The following KCNB2 variants were observed in gnomAD, a reference collection of about 807,000 sequenced individuals.
KCNB2 encodes the protein delayed rectifier potassium channel protein.
Under a neutral mutation model 61.5 loss-of-function variants are expected in KCNB2, and 15 were observed. The observed-to-expected ratio is 0.24, with a 90% CI of 0.16 to 0.38. The LOEUF (loss-of-function observed/expected upper bound fraction) is 0.38, where lower values mean the gene tolerates loss of function less well. Ranked by LOEUF, KCNB2 falls within the 10% of genes least tolerant of loss-of-function variation. KCNB2 has a pLI of 1.00. For synonymous variants in KCNB2, 457 were observed against 446.0 expected (o/e 1.02, Z -0.31); for missense variants, 828 against 1,125.2 (o/e 0.74, Z 3.78).
In KCNB2 at chr8:72,560,837, A is replaced by T. The variant is rs972641012; in HGVS notation, c.-93-6805A>T. Among the ~76,000 whole-genome samples, 3 of 152,266 alleles carry T rather than the reference A, an allele frequency of 2.0e-5. No homozygotes were observed. In the East Asian group the frequency reaches 5.8e-4, roughly 29 times the overall value. ...TTTTTTTTCTGGTCAGCTATGTTTTATAAAAGGCCATTTTTCTAAAGACAA... is the reference window on the plus strand; with the variant it reads ...TTTTTTTTCTGGTCAGCTATGTTTTTTAAAAGGCCATTTTTCTAAAGACAA... On this transcript the variant is annotated intron_variant, in intron 1 of 2. Coordinates refer to ENST00000523207, the MANE Select transcript of KCNB2 (RefSeq NM_004770.3).
chr8:72,794,336 G>A (rs1808992247), intron 2 of KCNB2, among the ~76,000 whole-genome samples: 1 of 152,138 alleles, frequency 6.6e-6, no homozygotes, highest in African/African-American at 2.4e-5. Context: ...GGAGGCTGAG[G>A]TGGGTGGATC....
intron 2 of KCNB2, among the ~76,000 whole-genome samples, chr8:72,626,295 C>A (rs1805789069): frequency 6.6e-6 from 1 of 152,178 alleles, no homozygotes; most frequent in Non-Finnish European, 1.5e-5. Context: ...ATTTGAACTG[C>A]CAGTCACTTG....
intron 2 of KCNB2, among the ~76,000 whole-genome samples, chr8:72,675,121 T>A (rs1806631041): frequency 6.6e-6 from 1 of 152,090 alleles, no homozygotes; most frequent in South Asian, 2.1e-4. Context: ...GAGAACACTA[T>A]GAAGGAAAAA....
At chr8:72,760,927 C>A (rs1808368224) in intron 2 of KCNB2, among the ~76,000 whole-genome samples, 1 of 152,138 alleles carries the variant, frequency 6.6e-6, no homozygotes, top group African/African-American at 2.4e-5. Flanking sequence ...GAGCTCATCA[C>A]CTCCCTGCTG....
intron 2 of KCNB2, among the ~76,000 whole-genome samples, chr8:72,617,597 C>CAAAA (rs10706658): frequency 5.1e-5 from 7 of 136,158 alleles, no homozygotes; most frequent in Middle Eastern, 3.7e-3. Flanking sequence ...CACAGAAGTG[C>CAAAA]AAAAAAAAAA....
At chr8:72,674,182 G>A (rs1173055385) in intron 2 of KCNB2, among the ~76,000 whole-genome samples, 1 of 152,064 alleles carries the variant, frequency 6.6e-6, no homozygotes, top group African/African-American at 2.4e-5. Flanking sequence ...ATGACTGTGG[G>A]GCAAGTTAAT....
intron 2 of KCNB2, among the ~76,000 whole-genome samples, chr8:72,927,642 C>G (rs191526144): frequency 6.6e-6 from 1 of 152,160 alleles, no homozygotes; most frequent in Non-Finnish European, 1.5e-5. Flanking sequence ...TCAAGGCTCT[C>G]GCAATTGGTT....
chr8:72,865,486 A>T (rs1295876185), intron 2 of KCNB2, among the ~76,000 whole-genome samples: 1 of 152,178 alleles, frequency 6.6e-6, no homozygotes, highest in Non-Finnish European at 1.5e-5. Flanking sequence ...ATGTATTTTG[A>T]ATACATATAG....
intron 2 of KCNB2, among the ~76,000 whole-genome samples, chr8:72,821,781 G>A (rs1435866379): frequency 2.0e-5 from 3 of 151,952 alleles, no homozygotes; most frequent in Admixed American, 6.6e-5. Context: ...GAAAGGGTTT[G>A]CTTTGTTTAG....
At chr8:72,725,510 C>CATATATATATATAT (rs774224955) in intron 2 of KCNB2, among the ~76,000 whole-genome samples, 1 of 58,912 alleles carries the variant, frequency 1.7e-5, no homozygotes, top group East Asian at 3.7e-4. Context: ...TCTTTGTCTT[C>CATATATATATATAT]ATATATATAT....
rs1160601490 is a variant in KCNB2, at chr8:72,628,400, GGTGTGTGTGTGTGT to G, written c.579+60119_579+60132del. Among the ~76,000 whole-genome samples, 29 of 47,406 alleles carry G rather than the reference GGTGTGTGTGTGTGT, an allele frequency of 6.1e-4. No homozygotes were observed. In the East Asian group the frequency reaches 7.4e-3, roughly 12 times the overall value. 31.1% of individuals were successfully genotyped at this position (47,406 alleles called of 152,430 possible). A position where few individuals can be genotyped will look rare whatever the true frequency, so the allele number is the denominator to read the frequency against. ...ATTATGCAGATTTCTCCTGTTAGGG[GGTGTGTGTGTGTGT>G]GTGTGTGTGTGTGTGTGTGTGTGTG... On this transcript the variant is annotated intron_variant, in intron 2 of 2. Coordinates refer to ENST00000523207, the MANE Select transcript of KCNB2 (RefSeq NM_004770.3).
At chr8:72,778,873 G>A (rs901922426) in intron 2 of KCNB2, among the ~76,000 whole-genome samples, 2 of 151,254 alleles carry the variant, frequency 1.3e-5, no homozygotes, top group African/African-American at 2.4e-5. Context: ...ACACAACCTC[G>A]TAGCCTCATT....
intron 2 of KCNB2, among the ~76,000 whole-genome samples, chr8:72,686,936 T>C (rs1019140690): frequency 2.0e-5 from 3 of 152,186 alleles, no homozygotes; most frequent in African/African-American, 7.2e-5. Context: ...CATGAAATAA[T>C]GAGGATAGGC....
At chr8:72,729,866 C>T (rs1471427116) in intron 2 of KCNB2, among the ~76,000 whole-genome samples, 1 of 149,994 alleles carries the variant, frequency 6.7e-6, no homozygotes, top group South Asian at 2.1e-4. Flanking sequence ...GCCTGGGCAA[C>T]AAGAGCAAAA....
At chr8:72,762,750 G>A (rs890628730) in intron 2 of KCNB2, among the ~76,000 whole-genome samples, 3 of 151,894 alleles carry the variant, frequency 2.0e-5, no homozygotes, top group Admixed American at 6.6e-5. Context: ...TGTGTATGCC[G>A]ATCTGTTCCA....
intron 2 of KCNB2, among the ~76,000 whole-genome samples, chr8:72,758,896 A>T (rs1484978462): frequency 3.9e-5 from 6 of 152,230 alleles, no homozygotes; most frequent in Non-Finnish European, 7.3e-5. Context: ...TTTGACATTT[A>T]CTTAAAATAA....
At chr8:72,917,400 C>CG (rs1554544135) in intron 2 of KCNB2, among the ~76,000 whole-genome samples, 1 of 151,436 alleles carries the variant, frequency 6.6e-6, no homozygotes, top group African/African-American at 2.4e-5. Context: ...TTTAAAAAGG[C>CG]AAAGGAGACA....
At chr8:72,580,508 A>G (rs1165592007) in intron 2 of KCNB2, among the ~76,000 whole-genome samples, 1 of 152,200 alleles carries the variant, frequency 6.6e-6, no homozygotes, top group Non-Finnish European at 1.5e-5. Context: ...ACTTAAAATC[A>G]TCTTATACCG....
At chr8:72,622,350 A>G (rs2128984295) in intron 2 of KCNB2, among the ~76,000 whole-genome samples, 1 of 152,344 alleles carries the variant, frequency 6.6e-6, no homozygotes, top group Admixed American at 6.5e-5. Flanking sequence ...GTAATCCAAG[A>G]GTATTGAGAC....
Sources: allele counts gnomAD v4.1 joint callset (sites outside exome capture counted in the v4.1 genomes callset), GRCh38; gene constraint gnomAD v4.1.1; transcripts MANE v1.5; gene names NCBI Gene and HGNC (gene_info 2026-07-23, HGNC 2026-07-21).